LRCH2: variants seen among roughly 807,000 people sequenced by gnomAD.
LRCH2 encodes the protein leucine-rich repeat and calponin homology domain-containing protein 2.
LRCH2 carries 38 observed loss-of-function variants against 68.9 expected under a neutral mutation model. The ratio of observed to expected loss-of-function variants is 0.55; its 90% CI spans 0.43 to 0.72. The LOEUF is 0.72. Among genes scored for constraint, LRCH2 ranks in the 30% least tolerant of loss-of-function variants. The pLI is 0.00. For synonymous variants in LRCH2, 191 were observed against 208.1 expected, an observed-to-expected ratio of 0.92 and a Z score of 0.71; for missense variants, 528 against 572.9, an observed-to-expected ratio of 0.92 and a Z score of 0.80.
At chrX:115,187,413 GT>G (rs1380428676) in intron 2 of LRCH2, among the ~76,000 whole-genome samples, 1 of 112,140 alleles carries the variant, frequency 8.9e-6, no homozygotes, top group African/African-American at 3.2e-5. Flanking sequence ...GGCAGGGAAA[GT>G]TTTTTTCTTA....
At chrX:115,198,388 G>A (rs1473460765) in intron 1 of LRCH2, 1 of 111,661 alleles carries the variant, frequency 9.0e-6, no homozygotes, top group Non-Finnish European at 1.9e-5. Flanking sequence ...TCTAAAATCA[G>A]CAAGACAGCA....
At chrX:115,118,621 T>C (rs782408801) in intron 20 of LRCH2, among the ~76,000 whole-genome samples, 1 of 110,798 alleles carries the variant, frequency 9.0e-6, no homozygotes, top group Non-Finnish European at 1.9e-5. Context: ...CCTTCTGAAA[T>C]TATTCCAATC....
Position 115,149,886 on chromosome X carries a change from T to C in LRCH2, c.1636A>G (p.Ile546Val), listed in dbSNP as rs782498954. 10 of 1,205,183 alleles carry C rather than the reference T, an allele frequency of 8.3e-6. No individual in the cohort carries two copies. The East Asian group carries it at 2.7e-4, about 32-fold the overall frequency. Residue 546 changes from isoleucine to valine, a missense_variant, in exon 14 of 21, where the codon ATA (isoleucine) becomes GTA (valine). Physicochemically the swap from Ile to Val is conservative, Grantham distance 29 (BLOSUM62 3). Coordinates refer to ENST00000317135, the MANE Select transcript of LRCH2 (RefSeq NM_020871.4). ...CTCCTTTCTTCACTCTGCCAGATTA[T>C]AGGGTGAGATTCTGGCCACGGTTGT... ...DEQPWPESHPIIWQSEERRRS... is the reference protein window; with the variant it reads ...DEQPWPESHPVIWQSEERRRS...
At chrX:115,157,355 G>C (rs782217489) in intron 11 of LRCH2, among the ~76,000 whole-genome samples, 1 of 109,262 alleles carries the variant, frequency 9.2e-6, no homozygotes, top group East Asian at 2.8e-4. Flanking sequence ...GTAAAATCTC[G>C]GCCTTTTATT....
At chrX:115,156,847 C>T (rs1366918595) in intron 11 of LRCH2, among the ~76,000 whole-genome samples, 180 bp from the exon 12 acceptor site, 1 of 111,149 alleles carries the variant, frequency 9.0e-6, no homozygotes, top group Non-Finnish European at 1.9e-5. Context: ...AAATGAAGCT[C>T]GGCAACTTTT....
At chrX:115,137,841 C>T (rs1211525630) in intron 14 of LRCH2, among the ~76,000 whole-genome samples, 1 of 110,630 alleles carries the variant, frequency 9.0e-6, no homozygotes, top group Non-Finnish European at 1.9e-5. Flanking sequence ...CCCAGCTACT[C>T]GGGAGGCTGA....
chrX:115,175,677 G>A (rs1362032724), intron 5 of LRCH2, among the ~76,000 whole-genome samples: 2 of 111,718 alleles, frequency 1.8e-5, no homozygotes, highest in Admixed American at 1.9e-4. Flanking sequence ...CTTTTATCTT[G>A]TTTACTTGTT....
At chrX:115,180,438 T>TA (rs1556552062) in intron 3 of LRCH2, among the ~76,000 whole-genome samples, 1 of 110,155 alleles carries the variant, frequency 9.1e-6, no homozygotes, top group Non-Finnish European at 1.9e-5. Context: ...TTGAGGTTTT[T>TA]ATTTATTATC....
At chrX:115,143,838 ATTG>A (rs1396009935) in intron 14 of LRCH2, among the ~76,000 whole-genome samples, 1 of 112,174 alleles carries the variant, frequency 8.9e-6, no homozygotes, top group Non-Finnish European at 1.9e-5. Context: ...ATGCAAATCA[ATTG>A]TTGTGATACA....
intron 14 of LRCH2, among the ~76,000 whole-genome samples, chrX:115,149,016 T>G (rs1383137351): frequency 9.0e-6 from 1 of 111,616 alleles, no homozygotes; most frequent in African/African-American, 3.2e-5. Context: ...GAACCTACAA[T>G]GTAGACTAGT....
At chrX:115,197,847 T>TCTCTCTCACACACACA (rs782358260) in intron 1 of LRCH2, among the ~76,000 whole-genome samples, 5 of 20,565 alleles carry the variant, frequency 2.4e-4, no homozygotes, top group Non-Finnish European at 3.3e-4. Context: ...TCTCTCTCTC[T>TCTCTCTCACACACACA]CACACACACA....
intron 14 of LRCH2, among the ~76,000 whole-genome samples, chrX:115,148,296 A>T (rs782138903): frequency 1.8e-5 from 2 of 111,612 alleles, no homozygotes; most frequent in African/African-American, 3.3e-5. Flanking sequence ...TACTTACCTC[A>T]TAAGGTTGTT....
Position 115,234,072 on chromosome X carries a change from T to C in LRCH2, c.-31A>G, listed in dbSNP as rs1267219319. 8.7e-7 allele frequency: 1 copy of C among 1,152,721 alleles called. No homozygotes were observed. Among genetic ancestry groups the C allele is most frequent in the Non-Finnish European group, 1.2e-6 (1 of 866,269 alleles). The allele number at this position is 1,152,721 out of a possible 1,213,427, so 95.0% of individuals were successfully genotyped here. On this transcript the variant is annotated 5_prime_UTR_variant, in exon 1 of 21. Coordinates refer to ENST00000317135, the MANE Select transcript of LRCH2 (RefSeq NM_020871.4). ...TGGGAGAGAGAATAGCCCCCGACAA[T>C]ACTGTCAGCCTGTGCCGCGAGTGTA...
At chrX:115,218,337 T>C (rs142205216) in intron 1 of LRCH2, among the ~76,000 whole-genome samples, 7,259 of 111,841 alleles carry the variant, frequency 0.065, 238 homozygotes, top group Middle Eastern at 0.11. Flanking sequence ...GGCAGGAGTA[T>C]AGGATCTGGA....
chrX:115,166,313 T>C lies in LRCH2; in HGVS notation c.1028A>G (p.His343Arg). 1 of 1,190,277 alleles carries C rather than the reference T, an allele frequency of 8.4e-7. No homozygotes were observed. The highest frequency in any genetic ancestry group is 1.1e-6 in the Non-Finnish European group (1 of 878,940). ...ACTTCCAATTCCAGAGTCAGGGCCATGATTTTTATTTGGATAAAAATCTTC... is the reference window on the plus strand; with the variant it reads ...ACTTCCAATTCCAGAGTCAGGGCCACGATTTTTATTTGGATAAAAATCTTC... Reference protein sequence around the residue: ...SMEDFYPNKNHGPDSGIGSDN... With the variant: ...SMEDFYPNKNRGPDSGIGSDN... Residue 343 changes from histidine to arginine, a missense_variant, in exon 7 of 21, where the codon CAT becomes CGT. By Grantham distance (29) the His-to-Arg change is conservative. Transcript: ENST00000317135.
chrX:115,136,713 G>T (rs1418389255), intron 14 of LRCH2, among the ~76,000 whole-genome samples: 1 of 111,789 alleles, frequency 8.9e-6, no homozygotes, highest in Non-Finnish European at 1.9e-5. Context: ...GGCTAGTGAG[G>T]AAAGTGAATT....
At chrX:115,144,349 T>C (rs1225398453) in intron 14 of LRCH2, among the ~76,000 whole-genome samples, 1 of 110,870 alleles carries the variant, frequency 9.0e-6, no homozygotes, top group Non-Finnish European at 1.9e-5. Flanking sequence ...TATCTCAACA[T>C]AATAAAAGCC....
In LRCH2 at chrX:115,233,752, C is replaced by T; in HGVS notation, c.290G>A (p.Gly97Asp). The change falls in exon 1 of 21, where the codon GGT becomes GAT. Residue 97 changes from glycine to aspartate, a missense_variant. Physicochemically the swap from Gly to Asp is moderately conservative, Grantham distance 94. Transcript: ENST00000317135. ...GCCCGGGAAGTCTCGGAGTTTCCGA[C>T]CACTGAGGCTCAGGATGCCGGAGCT... ...AGSSGILSLS[G>D]RKLRDFPGSG... The T allele has an allele frequency of 8.5e-7, 1 of 1,182,275 alleles. No homozygotes were observed. The highest frequency in any genetic ancestry group is 1.1e-6 in the Non-Finnish European group (1 of 879,829).
chrX:115,196,827 A>G, intron 1 of LRCH2, among the ~76,000 whole-genome samples: 1 of 111,171 alleles, frequency 9.0e-6, no homozygotes, highest in African/African-American at 3.3e-5. Flanking sequence ...TAAAACTGGC[A>G]TCTGAGGAAG....
Sources: gnomAD v4.1 joint callset for allele counts (sites outside exome capture counted in the v4.1 genomes callset) on GRCh38, gnomAD v4.1.1 for gene constraint, MANE v1.5 for transcripts, NCBI Gene and HGNC (gene_info 2026-07-23, HGNC 2026-07-21) for gene names.